SPECC1: variants seen among roughly 807,000 people sequenced by gnomAD.
SPECC1 encodes the protein sperm antigen with calponin homology and coiled-coil domains 1.
In SPECC1, 62 loss-of-function variants were observed where a neutral mutation model predicts 104.1. The observed-to-expected ratio is 0.60, with a 90% CI of 0.49 to 0.74. SPECC1 has a LOEUF of 0.74. Ranked by LOEUF, SPECC1 falls within the 30% of genes least tolerant of loss-of-function variation. SPECC1 has a pLI of 0.00. For missense variants in SPECC1, 1,306 were observed against 1,310.5 expected (o/e 1.00, Z 0.05); for synonymous variants, 513 against 501.6 (o/e 1.02, Z -0.30).
At chr17:20,212,030 A>G (rs1311373942) in intron 4 of SPECC1, among the ~76,000 whole-genome samples, 9 of 152,224 alleles carry the variant, frequency 5.9e-5, no homozygotes, top group Non-Finnish European at 1.3e-4. Context: ...ACCAGGGTAC[A>G]GCCACTGCTT....
At chr17:20,224,435 TG>T (rs1339736093) in intron 4 of SPECC1, among the ~76,000 whole-genome samples, 4 of 152,224 alleles carry the variant, frequency 2.6e-5, no homozygotes, top group South Asian at 2.1e-4. Context: ...TTCAGGGTGA[TG>T]GGTTCCCTTC....
At chr17:20,141,268 C>T (rs1280670824) in intron 3 of SPECC1, among the ~76,000 whole-genome samples, 3 of 152,204 alleles carry the variant, frequency 2.0e-5, no homozygotes, top group South Asian at 2.1e-4. Flanking sequence ...ACTGCTTCTC[C>T]TGCCTAATAA....
At chr17:20,272,239 C>T (rs757096815) in intron 12 of SPECC1, among the ~76,000 whole-genome samples, 1 of 151,964 alleles carries the variant, frequency 6.6e-6, no homozygotes, top group Non-Finnish European at 1.5e-5. Flanking sequence ...TTATCATATT[C>T]TTTTTTTCCC....
chr17:20,297,039 GC>G lies in SPECC1; in HGVS notation c.3022del (p.His1008ThrfsTer7). Reference sequence around the variant, plus strand: ...TGCTCTGCTCCACACCTACCTGCCTGCCCACATCCCCTACCAGGAGCTGAAT... The same window carrying G: ...TGCTCTGCTCCACACCTACCTGCCTGCCACATCCCCTACCAGGAGCTGAAT... The part of the protein sequence containing the change: ...FCALLHTYLP[A>X]HIPYQELNSQ... On this transcript the variant is annotated frameshift_variant, in exon 13 of 15. Coordinates refer to ENST00000395527, the MANE Select transcript of SPECC1 (RefSeq NM_001243439.2). LOFTEE classifies it high-confidence loss of function. 1 of 1,614,144 alleles carries G rather than the reference GC, an allele frequency of 6.2e-7. No homozygotes were observed. The highest frequency in any genetic ancestry group is 1.1e-5 in the South Asian group (1 of 91,062).
intron 13 of SPECC1, among the ~76,000 whole-genome samples, chr17:20,303,782 G>C (rs1347485373): frequency 1.3e-5 from 2 of 151,868 alleles, no homozygotes; most frequent in African/African-American, 4.8e-5. Context: ...GTGAAAACCT[G>C]TCTCTACTAA....
At chr17:20,069,241 T>A (rs1430188221) in intron 1 of SPECC1, among the ~76,000 whole-genome samples, 1 of 152,266 alleles carries the variant, frequency 6.6e-6, no homozygotes, top group Non-Finnish European at 1.5e-5. Flanking sequence ...AGGCTGAGGA[T>A]AATGACCTCC....
At chr17:20,042,988 T>C (rs923089991) in intron 1 of SPECC1, among the ~76,000 whole-genome samples, 5 of 152,226 alleles carry the variant, frequency 3.3e-5, no homozygotes, top group Admixed American at 6.5e-5. Flanking sequence ...TCCCTGGAGC[T>C]CAAGTCCACA....
chr17:20,022,962 C>T (rs185721192), intron 1 of SPECC1, among the ~76,000 whole-genome samples: 29 of 152,304 alleles, frequency 1.9e-4, no homozygotes, highest in Admixed American at 6.5e-4. Context: ...ATTCTTTCAG[C>T]AGTAATGATT....
At chr17:20,104,120 G>T (rs927399570) in intron 2 of SPECC1, among the ~76,000 whole-genome samples, 1 of 152,134 alleles carries the variant, frequency 6.6e-6, no homozygotes, top group African/African-American at 2.4e-5. Context: ...ACAATCAGTT[G>T]GTTAGTACGA....
chr17:20,218,324 A>G (rs2037639733), intron 4 of SPECC1, among the ~76,000 whole-genome samples: 1 of 151,498 alleles, frequency 6.6e-6, no homozygotes, highest in Non-Finnish European at 1.5e-5. Flanking sequence ...AAACAGAGGC[A>G]GAGGGATTAA....
chr17:20,237,287 G>T lies in SPECC1; in HGVS notation c.2351+4882G>T, dbSNP rs373309612. On this transcript the variant is annotated intron_variant, in intron 7 of 14. Transcript: ENST00000395527. ...GCAGGCCCGAGTTCTTTTGTTTTTT[G>T]TTGTTGTTGTTGTTGTTGTTTTGTT... The T allele has an allele frequency of 4.9e-4, 511 of 1,041,472 alleles. 1 individual carries two copies. The African/African-American group carries it at 6.7e-3, about 14-fold the overall frequency. 64.5% of individuals were successfully genotyped at this position (1,041,472 alleles called of 1,614,324 possible).
At chr17:20,248,544 A>G (rs1006561765) in intron 9 of SPECC1, among the ~76,000 whole-genome samples, 3 of 152,192 alleles carry the variant, frequency 2.0e-5, no homozygotes, top group Admixed American at 1.3e-4. Context: ...CTATTTTCCA[A>G]GAATTTTGAC....
chr17:20,295,872 A>AT (rs1472788890), intron 12 of SPECC1, among the ~76,000 whole-genome samples: 4 of 151,622 alleles, frequency 2.6e-5, no homozygotes, highest in South Asian at 2.1e-4. Context: ...GGGTTGTTTG[A>AT]TTTTTTCTTG....
chr17:20,114,073 T>G (rs866374075), intron 3 of SPECC1, among the ~76,000 whole-genome samples: 20 of 152,292 alleles, frequency 1.3e-4, no homozygotes, highest in African/African-American at 4.3e-4. Context: ...ATATATTTGA[T>G]TACAGCCACC....
intron 7 of SPECC1, chr17:20,237,665 C>G (rs1414310277): frequency 5.1e-6 from 1 of 196,160 alleles, no homozygotes; most frequent in South Asian, 1.9e-4. Context: ...TCCTTTTGAT[C>G]GTGGTGTCTG....
At chr17:20,075,429 CT>C (rs1335883218) in intron 1 of SPECC1, among the ~76,000 whole-genome samples, 11 of 152,170 alleles carry the variant, frequency 7.2e-5, no homozygotes, top group Non-Finnish European at 1.3e-4. Flanking sequence ...AGAGCTCATG[CT>C]CTGATACGGC....
At chr17:20,266,491 G>A (rs562918146) in intron 12 of SPECC1, among the ~76,000 whole-genome samples, 4 of 152,354 alleles carry the variant, frequency 2.6e-5, no homozygotes, top group Non-Finnish European at 4.4e-5. Flanking sequence ...GGCTGAGGTA[G>A]GGGAATGGCG....
At chr17:20,286,579 A>G (rs1330664548) in intron 12 of SPECC1, among the ~76,000 whole-genome samples, 1 of 152,152 alleles carries the variant, frequency 6.6e-6, no homozygotes, top group Non-Finnish European at 1.5e-5. Context: ...ATCCAGGGGT[A>G]GGTCCTGGAG....
At chr17:20,245,638 C>A (rs944788007) in intron 7 of SPECC1, among the ~76,000 whole-genome samples, 7 of 152,118 alleles carry the variant, frequency 4.6e-5, no homozygotes, top group Non-Finnish European at 7.4e-5. Context: ...GCACAATTTG[C>A]AGAGTAGCCA....
Sources: allele counts gnomAD v4.1 joint callset (sites outside exome capture counted in the v4.1 genomes callset), GRCh38; gene constraint gnomAD v4.1.1; transcripts MANE v1.5; gene names NCBI Gene and HGNC (gene_info 2026-07-23, HGNC 2026-07-21).